The following CHST11 variants were observed in gnomAD, a reference collection of about 807,000 sequenced individuals.
CHST11 encodes C4S-1.
A neutral mutation model predicts 30.4 loss-of-function variants in CHST11; 9 were observed. The ratio of observed to expected loss-of-function variants is 0.30; its 90% CI spans 0.18 to 0.52. CHST11 has a LOEUF of 0.52. CHST11 is among the 20% of genes least tolerant of loss of function. The pLI is 0.97. For synonymous variants in CHST11, 152 were observed against 187.8 expected, an observed-to-expected ratio of 0.81 and a Z score of 1.56; for missense variants, 348 against 460.6, an observed-to-expected ratio of 0.76 and a Z score of 2.24.
At chr12:104,636,732 A>G (rs973174632) in intron 2 of CHST11, among the ~76,000 whole-genome samples, 9 of 152,164 alleles carry the variant, frequency 5.9e-5, no homozygotes, top group Non-Finnish European at 1.3e-4. Flanking sequence ...TATCTAGCTC[A>G]TGGTATTGTT....
At chr12:104,543,329 C>T (rs1177790727) in intron 1 of CHST11, among the ~76,000 whole-genome samples, 2 of 152,226 alleles carry the variant, frequency 1.3e-5, no homozygotes, top group Non-Finnish European at 2.9e-5. Context: ...CAACATTAGA[C>T]GTCACATTTC....
At chr12:104,544,489 C>CT (rs2038323256) in intron 1 of CHST11, among the ~76,000 whole-genome samples, 1 of 151,850 alleles carries the variant, frequency 6.6e-6, no homozygotes, top group Admixed American at 6.6e-5. Flanking sequence ...GGGGGATCAC[C>CT]TGAGGCCAGG....
At chr12:104,703,822 G>A (rs1392444211) in intron 2 of CHST11, among the ~76,000 whole-genome samples, 1 of 152,174 alleles carries the variant, frequency 6.6e-6, no homozygotes, top group African/African-American at 2.4e-5. Context: ...CCTTCCTCCA[G>A]GTTTCCCCAT....
At chr12:104,571,681 G>A (rs985538216) in intron 1 of CHST11, among the ~76,000 whole-genome samples, 5 of 152,150 alleles carry the variant, frequency 3.3e-5, no homozygotes, top group East Asian at 1.9e-4. Context: ...CCCCTGGACC[G>A]TATCACCTCT....
intron 2 of CHST11, among the ~76,000 whole-genome samples, chr12:104,743,700 C>A (rs2040366432): frequency 6.6e-6 from 1 of 152,052 alleles, no homozygotes; most frequent in African/African-American, 2.4e-5. Context: ...TGTACAGATT[C>A]TTTCATCACC....
chr12:104,603,750 G>T (rs1213812092), intron 2 of CHST11, among the ~76,000 whole-genome samples: 2 of 152,140 alleles, frequency 1.3e-5, no homozygotes, highest in Non-Finnish European at 2.9e-5. Context: ...GTCAGACCTG[G>T]GTTCAAAGCC....
At chr12:104,567,781 A>T (rs1392722380) in intron 1 of CHST11, among the ~76,000 whole-genome samples, 1 of 152,156 alleles carries the variant, frequency 6.6e-6, no homozygotes, top group Non-Finnish European at 1.5e-5. Context: ...ATGCAATAGT[A>T]TTGGGAGGTG....
chr12:104,457,340 C>A lies in CHST11; in HGVS notation c.-72C>A. 1 of 1,098,788 alleles carries A rather than the reference C, an allele frequency of 9.1e-7. No individual in the cohort carries two copies. The highest frequency in any genetic ancestry group is 1.4e-6 in the Non-Finnish European group (1 of 733,102). The allele number at this position is 1,098,788 out of a possible 1,614,324, so 68.1% of individuals were successfully genotyped here. On this transcript the variant is annotated 5_prime_UTR_variant, in exon 1 of 3. Transcript: ENST00000303694. ...CGCGCCTCCCGGGCTCCGGTCCGCG[C>A]GGCGGGGTCCCTGCTCCTGCGCCCC...
At chr12:104,520,929 C>T (rs1468843814) in intron 1 of CHST11, among the ~76,000 whole-genome samples, 2 of 151,982 alleles carry the variant, frequency 1.3e-5, no homozygotes, top group African/African-American at 2.4e-5. Flanking sequence ...TACGTGAGTC[C>T]GGTGGGAAAG....
chr12:104,545,364 T>G (rs2038336951), intron 1 of CHST11, among the ~76,000 whole-genome samples: 1 of 152,212 alleles, frequency 6.6e-6, no homozygotes, highest in Non-Finnish European at 1.5e-5. Context: ...ATGGACTTGA[T>G]CAATCATTTC....
At chr12:104,623,505 G>A (rs1428864562) in intron 2 of CHST11, among the ~76,000 whole-genome samples, 1 of 152,174 alleles carries the variant, frequency 6.6e-6, no homozygotes, top group East Asian at 1.9e-4. Flanking sequence ...GAGGCTGGGA[G>A]TTCGAGACTA....
chr12:104,531,364 C>A (rs1359540919), intron 1 of CHST11, among the ~76,000 whole-genome samples: 1 of 151,492 alleles, frequency 6.6e-6, no homozygotes, highest in Non-Finnish European at 1.5e-5. Context: ...GTGGTCCATG[C>A]CGGTACTCCC....
chr12:104,664,575 C>G (rs1442779145), intron 2 of CHST11, among the ~76,000 whole-genome samples: 1 of 152,108 alleles, frequency 6.6e-6, no homozygotes, highest in Non-Finnish European at 1.5e-5. Context: ...AGCCCCAGTC[C>G]CTCCTCAGAC....
chr12:104,637,749 G>A (rs1316132742), intron 2 of CHST11, among the ~76,000 whole-genome samples: 1 of 152,202 alleles, frequency 6.6e-6, no homozygotes, highest in Admixed American at 6.5e-5. Context: ...TCCCCTTTGA[G>A]TGGAACTCTT....
At chr12:104,681,313 T>C (rs562030230) in intron 2 of CHST11, among the ~76,000 whole-genome samples, 5 of 152,340 alleles carry the variant, frequency 3.3e-5, no homozygotes, top group South Asian at 2.1e-4. Context: ...AAAAACATTA[T>C]GCTAAGTGAA....
At chr12:104,642,601 T>C (rs2039387764) in intron 2 of CHST11, among the ~76,000 whole-genome samples, 1 of 152,060 alleles carries the variant, frequency 6.6e-6, no homozygotes, top group Non-Finnish European at 1.5e-5. Context: ...GATTTCACCA[T>C]GTTGCCCAGG....
At chr12:104,546,675 G>A (rs2038354118) in intron 1 of CHST11, among the ~76,000 whole-genome samples, 1 of 152,116 alleles carries the variant, frequency 6.6e-6, no homozygotes, top group African/African-American at 2.4e-5. Context: ...TTCCAGGATG[G>A]AGAAAAGTTT....
At chr12:104,744,594 G>T (rs978275367) in intron 2 of CHST11, among the ~76,000 whole-genome samples, 2 of 152,162 alleles carry the variant, frequency 1.3e-5, no homozygotes, top group Non-Finnish European at 2.9e-5. Flanking sequence ...CTGTGCAGAA[G>T]CCCTTTAGTT....
At chr12:104,459,205 T>C (rs558655380) in intron 1 of CHST11, among the ~76,000 whole-genome samples, 1 of 152,362 alleles carries the variant, frequency 6.6e-6, no homozygotes, top group African/African-American at 2.4e-5. Context: ...AAAATGGACC[T>C]GGCTTGCATT....
Sources: allele counts gnomAD v4.1 joint callset (sites outside exome capture counted in the v4.1 genomes callset), GRCh38; gene constraint gnomAD v4.1.1; transcripts MANE v1.5; gene names NCBI Gene and HGNC (gene_info 2026-07-23, HGNC 2026-07-21).